DOCK9: variants seen among roughly 807,000 people sequenced by gnomAD.
The protein encoded by DOCK9 is dedicator of cytokinesis protein 9.
DOCK9 carries 89 observed loss-of-function variants against 263.3 expected under a neutral mutation model. The observed-to-expected ratio is 0.34, with a 90% CI of 0.28 to 0.40. DOCK9 has a LOEUF of 0.40. DOCK9 is among the 10% of genes least tolerant of loss of function. The probability of loss-of-function intolerance (pLI) is 1.00; values close to 1 mark genes in which losing one functional copy is unlikely to be tolerated. For missense variants in DOCK9, 2,140 were observed against 2,603.4 expected (o/e 0.82, Z 3.87); for synonymous variants, 976 against 973.1 (o/e 1.00, Z -0.06).
At chr13:98,961,285 C>A (rs1164242194) in intron 1 of DOCK9, among the ~76,000 whole-genome samples, 1 of 152,218 alleles carries the variant, frequency 6.6e-6, no homozygotes, top group Non-Finnish European at 1.5e-5. Context: ...TGCAAGGTTT[C>A]CAGTCTCATG....
Position 99,023,901 on chromosome 13 carries a change from T to C in DOCK9, c.129+62322A>G, listed in dbSNP as rs536479696. ...CTATATAGCATCACAGAAAAAAAGA[T>C]GCCTGAGATTTAAATTTCTGATTCA... is the stretch of plus-strand genomic sequence containing the variant. On this transcript the variant is annotated intron_variant, in intron 1 of 32. Coordinates refer to the DOCK9 transcript ENST00000427887. Among the ~76,000 whole-genome samples, 6 of 152,310 alleles carry C rather than the reference T, an allele frequency of 3.9e-5. No individual in the cohort carries two copies. In the South Asian group the frequency reaches 1.2e-3, roughly 32 times the overall value.
chr13:98,890,577 C>A (rs1024328422), intron 15 of DOCK9, among the ~76,000 whole-genome samples: 3 of 152,198 alleles, frequency 2.0e-5, no homozygotes, highest in African/African-American at 7.2e-5. Flanking sequence ...TGTTTCAGAT[C>A]TCCTTTAGAA....
At position 98,984,216 on chromosome 13, in the gene DOCK9, A is replaced by G. The variant is rs531752414; in HGVS notation, c.130-28665T>C. 9.8e-4 allele frequency among the ~76,000 whole-genome samples: 150 copies of G among 152,288 alleles called. 1 individual carries two copies. Among genetic ancestry groups the G allele is most frequent in the Non-Finnish European group, 1.7e-3 (119 of 68,034 alleles). ...AGCCAACCAAAGTTCTGTGGTACAA[A>G]TCTCTTCCCATGGGCAGGTTCACAT... On this transcript the variant is annotated intron_variant, in intron 1 of 32. Transcript: ENST00000427887.
chr13:99,033,888 G>C (rs541169809), intron 1 of DOCK9, among the ~76,000 whole-genome samples: 2 of 152,270 alleles, frequency 1.3e-5, no homozygotes, highest in East Asian at 3.9e-4. Flanking sequence ...TTTATATTTA[G>C]AGAGGAAAAA....
intron 1 of DOCK9, among the ~76,000 whole-genome samples, chr13:98,989,063 C>T (rs144582578): frequency 7.1e-4 from 108 of 152,280 alleles, no homozygotes; most frequent in African/African-American, 2.3e-3. Context: ...CTCCTGAAGC[C>T]TCACCTCATG....
In DOCK9 at chr13:99,038,286, CCCTTTTTTTT is replaced by C. The variant is rs1393709538; in HGVS notation, c.129+47927_129+47936del. Reference sequence around the variant, plus strand: ...AAGCTGAAAAACTGGCTTTATGCCCCCCTTTTTTTTTTTTTTTTTTTTTTTTTTTTTTTTG... The same window carrying C: ...AAGCTGAAAAACTGGCTTTATGCCCCTTTTTTTTTTTTTTTTTTTTTTTTG... On this transcript the variant is annotated intron_variant, in intron 1 of 32. Coordinates refer to the DOCK9 transcript ENST00000427887. Among the ~76,000 whole-genome samples the C allele has an allele frequency of 1.2e-3, 89 of 75,836 alleles. 2 individuals are homozygous for C. In the South Asian group the frequency reaches 0.015, roughly 13 times the overall value. The allele number at this position is 75,836 out of a possible 152,430, so 49.8% of individuals were successfully genotyped here. A position where few individuals can be genotyped will look rare whatever the true frequency, so the allele number is the denominator to read the frequency against.
chr13:98,840,077 A>G (rs996845318), intron 38 of DOCK9, among the ~76,000 whole-genome samples: 6 of 152,242 alleles, frequency 3.9e-5, no homozygotes, highest in African/African-American at 9.6e-5. Context: ...AACCAGTCAC[A>G]GAGACTGAGA....
chr13:98,983,394 C>G (rs1877684131), intron 1 of DOCK9, among the ~76,000 whole-genome samples: 1 of 152,008 alleles, frequency 6.6e-6, no homozygotes, highest in African/African-American at 2.4e-5. Context: ...GGCAGCAAAA[C>G]AGAGAGCAGA....
At chr13:99,043,803 A>G (rs1463668258) in intron 1 of DOCK9, among the ~76,000 whole-genome samples, 1 of 152,038 alleles carries the variant, frequency 6.6e-6, no homozygotes, top group Non-Finnish European at 1.5e-5. Context: ...CCCCTCCTTG[A>G]GGCCCTCCAT....
intron 1 of DOCK9, among the ~76,000 whole-genome samples, chr13:99,031,123 T>TTA (rs34359526): frequency 0.38 from 57,751 of 151,464 alleles, 11,386 homozygotes; most frequent in East Asian, 0.61. Context: ...ATGTTTTTTT[T>TTA]AAAAAAAAGT....
At chr13:98,815,680 A>T (rs1394776891) in intron 45 of DOCK9, among the ~76,000 whole-genome samples, 1 of 152,008 alleles carries the variant, frequency 6.6e-6, no homozygotes, top group East Asian at 1.9e-4. Context: ...ATGGGGTTTC[A>T]CCATGTTAGC....
At chr13:99,037,169 G>C (rs901735785) in intron 1 of DOCK9, among the ~76,000 whole-genome samples, 1 of 151,788 alleles carries the variant, frequency 6.6e-6, no homozygotes, top group Non-Finnish European at 1.5e-5. Flanking sequence ...ATTGCAAAAA[G>C]AGAAAAAAAT....
intron 43 of DOCK9, among the ~76,000 whole-genome samples, chr13:98,828,594 A>G (rs1411564473): frequency 6.6e-6 from 1 of 152,248 alleles, no homozygotes; most frequent in Non-Finnish European, 1.5e-5. Context: ...TTTAAAAGTC[A>G]AAACTTGCTT....
intron 1 of DOCK9, among the ~76,000 whole-genome samples, chr13:99,059,436 A>G (rs2041082509): frequency 6.6e-6 from 1 of 151,032 alleles, no homozygotes; most frequent in African/African-American, 2.4e-5. Flanking sequence ...CAATTACCCA[A>G]CCCCACTGAG....
intron 1 of DOCK9, among the ~76,000 whole-genome samples, chr13:99,046,169 C>T (rs924683436): frequency 7.9e-5 from 12 of 151,744 alleles, no homozygotes; most frequent in South Asian, 2.1e-4. Flanking sequence ...TCTTAAGCAA[C>T]GACAGAAAAG....
At chr13:99,005,004 G>C (rs1883067594) in intron 1 of DOCK9, among the ~76,000 whole-genome samples, 1 of 151,636 alleles carries the variant, frequency 6.6e-6, no homozygotes, top group Non-Finnish European at 1.5e-5. Context: ...ACTTTGTTTG[G>C]AAACTCTGCT....
chr13:98,896,190 T>C (rs1308950508), intron 15 of DOCK9, among the ~76,000 whole-genome samples: 9 of 152,216 alleles, frequency 5.9e-5, no homozygotes, highest in Non-Finnish European at 1.2e-4. Context: ...AGTCAAAAAC[T>C]GTATAATCAC....
chr13:98,797,308 C>T, intron 51 of DOCK9, 55 bp from the exon 52 acceptor site: 1 of 1,610,860 alleles, frequency 6.2e-7, no homozygotes, highest in South Asian at 1.1e-5. Context: ...GGCATGAGTC[C>T]AACCAGCAGC....
At chr13:98,960,793 G>A (rs1232264951) in intron 1 of DOCK9, among the ~76,000 whole-genome samples, 1 of 152,120 alleles carries the variant, frequency 6.6e-6, no homozygotes, top group African/African-American at 2.4e-5. Flanking sequence ...ATGCTCTCCA[G>A]GGGATTCTGG....
Sources: allele counts gnomAD v4.1 joint callset (sites outside exome capture counted in the v4.1 genomes callset), GRCh38; gene constraint gnomAD v4.1.1; transcripts MANE v1.5; gene names NCBI Gene and HGNC (gene_info 2026-07-23, HGNC 2026-07-21).